FARP1: variants seen among roughly 807,000 people sequenced by gnomAD.
FARP1 encodes FERM, ARH/RhoGEF and pleckstrin domain protein 1, also known as FERM, ARHGEF and pleckstrin domain-containing protein 1.
In FARP1, 52 loss-of-function variants were observed where a neutral mutation model predicts 128.8. That is an observed-to-expected ratio of 0.40 (90% CI 0.32 to 0.51). The LOEUF (loss-of-function observed/expected upper bound fraction) is 0.51, where lower values mean the gene tolerates loss of function less well. Among genes scored for constraint, FARP1 ranks in the 20% least tolerant of loss-of-function variants. The pLI, the probability that FARP1 is intolerant of heterozygous loss-of-function variation, is 0.45. For synonymous variants in FARP1, 580 were observed against 551.8 expected (o/e 1.05, Z -0.72); for missense variants, 1,333 against 1,367.9 (o/e 0.97, Z 0.40).
chr13:98,246,607 A>T (rs1167364176), intron 2 of FARP1, among the ~76,000 whole-genome samples: 1 of 151,590 alleles, frequency 6.6e-6, no homozygotes, highest in African/African-American at 2.4e-5. Context: ...TACATACTAT[A>T]CTCCCTCCTT....
intron 1 of FARP1, among the ~76,000 whole-genome samples, chr13:98,186,337 A>G (rs1279509266): frequency 6.6e-6 from 1 of 151,820 alleles, no homozygotes; most frequent in Non-Finnish European, 1.5e-5. Flanking sequence ...TGAACTCCCA[A>G]CTTCAGGTGA....
intron 14 of FARP1, 33 bp from the exon 15 acceptor site, chr13:98,410,701 A>G: frequency 1.7e-6 from 2 of 1,168,466 alleles, no homozygotes; most frequent in Non-Finnish European, 2.5e-6. Flanking sequence ...AAAAATGATT[A>G]TTGCGCTTTG....
intron 2 of FARP1, among the ~76,000 whole-genome samples, chr13:98,335,194 G>A (rs747984321): frequency 2.5e-4 from 38 of 152,110 alleles, no homozygotes; most frequent in Admixed American, 6.5e-4. Context: ...GGTTATTTTT[G>A]TACATCATCG....
Position 98,449,298 on chromosome 13 carries a change from GTA to G in FARP1, c.*987_*988del, listed in dbSNP as rs968643540. 1 of 152,176 alleles carries G rather than the reference GTA, an allele frequency of 6.6e-6. No individual in the cohort carries two copies. 9.4% of individuals were successfully genotyped at this position (152,176 alleles called of 1,614,324 possible). ...GTTTGAAACTGCGCATTCTCTAGTAGTATATATCGTGCCTGTCTTCAAAAACA... is the reference window on the plus strand; with the variant it reads ...GTTTGAAACTGCGCATTCTCTAGTAGTATATCGTGCCTGTCTTCAAAAACA... On this transcript the variant is annotated 3_prime_UTR_variant, in exon 27 of 27. Transcript: ENST00000319562.
At chr13:98,171,115 T>C (rs1041318309) in intron 1 of FARP1, among the ~76,000 whole-genome samples, 3 of 152,232 alleles carry the variant, frequency 2.0e-5, no homozygotes, top group African/African-American at 7.2e-5. Context: ...AGAAGGGGAC[T>C]GTGGAGGTTT....
chr13:98,212,314 C>T (rs185807866), intron 1 of FARP1, among the ~76,000 whole-genome samples: 341 of 152,264 alleles, frequency 2.2e-3, no homozygotes, highest in Non-Finnish European at 3.6e-3. Context: ...CCTTGGCCTC[C>T]GAAAGTGCTG....
At chr13:98,251,639 C>T (rs553872598) in intron 2 of FARP1, among the ~76,000 whole-genome samples, 74 of 150,088 alleles carry the variant, frequency 4.9e-4, no homozygotes, top group African/African-American at 1.3e-3. Context: ...GCTGAGATCA[C>T]GCCATTGCAC....
chr13:98,408,593 T>C (rs1891067876), intron 13 of FARP1, among the ~76,000 whole-genome samples: 2 of 152,172 alleles, frequency 1.3e-5, no homozygotes, highest in African/African-American at 2.4e-5. Flanking sequence ...CCTCCCAAAG[T>C]GCTGGGATTA....
chr13:98,207,799 C>T (rs1352434986), intron 1 of FARP1, among the ~76,000 whole-genome samples: 2 of 151,964 alleles, frequency 1.3e-5, no homozygotes, highest in Non-Finnish European at 2.9e-5. Flanking sequence ...AACCATGAGA[C>T]AGTGAACAGA....
intron 2 of FARP1, among the ~76,000 whole-genome samples, chr13:98,275,711 C>T (rs1158749888): frequency 1.4e-5 from 2 of 147,688 alleles, no homozygotes; most frequent in East Asian, 4.0e-4. Flanking sequence ...GTCCCACTTT[C>T]CTGGTGAGTG....
At chr13:98,287,293 C>G (rs1885226661) in intron 2 of FARP1, among the ~76,000 whole-genome samples, 1 of 137,360 alleles carries the variant, frequency 7.3e-6, no homozygotes, top group South Asian at 2.3e-4. Flanking sequence ...TGCAGTGGCT[C>G]AGTCTCGGCC....
At chr13:98,257,932 A>G (rs761797112) in intron 2 of FARP1, among the ~76,000 whole-genome samples, 5 of 152,212 alleles carry the variant, frequency 3.3e-5, no homozygotes, top group Non-Finnish European at 7.3e-5. Flanking sequence ...GCCATTCCAC[A>G]GCGTGTACAT....
chr13:98,411,929 A>T lies in FARP1; in HGVS notation c.1721A>T (p.Asp574Val). 6.2e-7 allele frequency: 1 copy of T among 1,614,132 alleles called. No homozygotes were observed. Among genetic ancestry groups the T allele is most frequent in the Non-Finnish European group, 8.5e-7 (1 of 1,179,968 alleles). ...TTTCAGAGCACAGTGAGCAAAGAGG[A>T]CGCCATGCCGGAAGCACTGAAAAGT... ...SWFQSTVSKE[D>V]AMPEALKSLI... is the part of the protein sequence containing the mutation. Residue 574 changes from aspartate (D) to valine (V), a missense_variant, in exon 16 of 27, where the codon GAC becomes GTC. Physicochemically the swap from Asp to Val is radical, Grantham distance 152. Transcript: ENST00000319562.
Position 98,450,126 on chromosome 13 carries a change from A to AT in FARP1, c.*1810dup, listed in dbSNP as rs1238681077. ...CTGCTTCCTGTGTGCCCTCAAGAAA[A>AT]TACTAGTGTGGGTAACAGTCCATCT... On this transcript the variant is annotated 3_prime_UTR_variant, in exon 27 of 27. Coordinates refer to ENST00000319562, the MANE Select transcript of FARP1 (RefSeq NM_005766.4). 1 of 152,242 alleles carries AT rather than the reference A, an allele frequency of 6.6e-6. No individual in the cohort carries two copies. Among genetic ancestry groups the AT allele is most frequent in the African/African-American group, 2.4e-5 (1 of 41,458 alleles). The allele number at this position is 152,242 out of a possible 1,614,324, so 9.4% of individuals were successfully genotyped here. A position where few individuals can be genotyped will look rare whatever the true frequency, so the allele number is the denominator to read the frequency against.
At chr13:98,372,557 G>A (rs571399327) in intron 5 of FARP1, among the ~76,000 whole-genome samples, 2 of 152,232 alleles carry the variant, frequency 1.3e-5, no homozygotes, top group South Asian at 2.1e-4. Context: ...GCTGCTCTGC[G>A]CCCTGCACGC....
At position 98,435,712 on chromosome 13, in the gene FARP1, C is replaced by T; in HGVS notation, c.2274+6C>T. On this transcript the variant is annotated splice_donor_region_variant and intron_variant, in intron 19 of 26. Coordinates refer to ENST00000319562, the MANE Select transcript of FARP1 (RefSeq NM_005766.4). ...ATCTTGTGGTTCCGGGAAGGGTAAG[C>T]AGCAGTGGCCTCACTATGCACTGCG... 1 of 1,613,968 alleles carries T rather than the reference C, an allele frequency of 6.2e-7. No individual in the cohort carries two copies. Among genetic ancestry groups the T allele is most frequent in the Non-Finnish European group, 8.5e-7 (1 of 1,179,860 alleles).
intron 2 of FARP1, among the ~76,000 whole-genome samples, chr13:98,303,472 C>A (rs575652292): frequency 6.6e-6 from 1 of 152,236 alleles, no homozygotes; most frequent in South Asian, 2.1e-4. Context: ...TGAGAACCTA[C>A]AAAAAGATTT....
At chr13:98,240,395 C>T (rs1178098665) in intron 2 of FARP1, among the ~76,000 whole-genome samples, 3 of 151,986 alleles carry the variant, frequency 2.0e-5, no homozygotes, top group Non-Finnish European at 4.4e-5. Context: ...AGGGAGGATG[C>T]GGCGATGCTC....
intron 2 of FARP1, among the ~76,000 whole-genome samples, chr13:98,238,127 A>C (rs1278719325): frequency 6.6e-6 from 1 of 152,222 alleles, no homozygotes; most frequent in Non-Finnish European, 1.5e-5. Flanking sequence ...TGTTAAGATG[A>C]CAGGAGAAGC....
Sources: gnomAD v4.1 joint callset for allele counts (sites outside exome capture counted in the v4.1 genomes callset) on GRCh38, gnomAD v4.1.1 for gene constraint, MANE v1.5 for transcripts, NCBI Gene and HGNC (gene_info 2026-07-23, HGNC 2026-07-21) for gene names.